Variants in AMOTL1 observed in about 807,000 individuals in gnomAD.
AMOTL1 encodes the protein angiomotin like 1.
Under a neutral mutation model 102.9 loss-of-function variants are expected in AMOTL1, and 45 were observed. The observed-to-expected ratio is 0.44, with a 90% CI of 0.34 to 0.56. AMOTL1 has a LOEUF of 0.56. Among genes scored for constraint, AMOTL1 ranks in the 20% least tolerant of loss-of-function variants. AMOTL1 has a pLI of 0.01. For synonymous variants in AMOTL1, 481 were observed against 484.7 expected (o/e 0.99, Z 0.10); for missense variants, 1,114 against 1,225.6 (o/e 0.91, Z 1.36).
intron 3 of AMOTL1, among the ~76,000 whole-genome samples, chr11:94,757,529 G>A (rs149526880): frequency 8.1e-4 from 123 of 152,168 alleles, no homozygotes; most frequent in African/African-American, 2.8e-3. Flanking sequence ...GAGAGTGCCT[G>A]TAACATGCTG....
In AMOTL1 at chr11:94,799,210, G is replaced by A. The variant is rs777760801; in HGVS notation, c.200-180G>A. On this transcript the variant is annotated intron_variant, in intron 2 of 12. Coordinates refer to ENST00000433060, the MANE Select transcript of AMOTL1 (RefSeq NM_130847.3). This position sits in a 1 kb window ranked among gnomAD's most constrained non-coding sequence, Gnocchi z 4.5. ...AGAGGGAGTGCAGAATAGTAGACTC[G>A]CTTTGAATTGGAGAAGAAAATTCCA... Among the ~76,000 whole-genome samples, 5 of 152,024 alleles carry A rather than the reference G, an allele frequency of 3.3e-5. No homozygotes were observed. The highest frequency in any genetic ancestry group is 7.4e-5 in the Non-Finnish European group (5 of 67,998).
chr11:94,864,600 C>T (rs951358865), intron 9 of AMOTL1, 135 bp from the exon 10 acceptor site: 2 of 1,244,302 alleles, frequency 1.6e-6, no homozygotes, highest in Non-Finnish European at 2.2e-6. Flanking sequence ...GAGGGAAAGG[C>T]TTCATGAGCC....
At chr11:94,814,321 G>GGGAA (rs1422231826) in intron 3 of AMOTL1, among the ~76,000 whole-genome samples, 3 of 152,180 alleles carry the variant, frequency 2.0e-5, no homozygotes, top group Admixed American at 2.0e-4. Flanking sequence ...TTTTCAAAAT[G>GGGAA]GGAAATTTTC....
At chr11:94,855,221 C>A (rs1391503993) in intron 8 of AMOTL1, among the ~76,000 whole-genome samples, 1 of 152,240 alleles carries the variant, frequency 6.6e-6, no homozygotes, top group African/African-American at 2.4e-5. Flanking sequence ...CCAGCTCAGC[C>A]CTCTCACAGG....
intron 2 of AMOTL1, among the ~76,000 whole-genome samples, chr11:94,729,498 G>T (rs901749647): frequency 1.4e-4 from 21 of 152,050 alleles, no homozygotes; most frequent in African/African-American, 4.8e-4. Flanking sequence ...AACAGAGTAG[G>T]CCAGCTCTTT....
chr11:94,785,101 A>G (rs1951164996), intron 1 of AMOTL1, among the ~76,000 whole-genome samples: 1 of 152,206 alleles, frequency 6.6e-6, no homozygotes, highest in Non-Finnish European at 1.5e-5. Context: ...AAGCTTTTAT[A>G]AAAAATAACA....
rs189342160 is a variant in AMOTL1 at position 94,815,355 on chromosome 11, A to C, written c.1122-6175A>C. Among the ~76,000 whole-genome samples, 427 of 152,244 alleles carry C rather than the reference A, an allele frequency of 2.8e-3. 3 individuals are homozygous for C. Among genetic ancestry groups the C allele is most frequent in the African/African-American group, 8.4e-3 (348 of 41,558 alleles). On this transcript the variant is annotated intron_variant, in intron 3 of 12. Coordinates refer to ENST00000433060, the MANE Select transcript of AMOTL1 (RefSeq NM_130847.3). ...TGAGTTATTGGCAAAAACAAACAAA[A>C]AAAAAATTTGTCTAATGTTAAGGTT...
rs1466245887 is a variant in AMOTL1 at position 94,875,537 on chromosome 11, G to A, written c.*4742G>A. ...TGCTCATTGACTATAGTGCTGCCAA[G>A]TAAAAATATCTTGGGAACTCTTCTA... On this transcript the variant is annotated 3_prime_UTR_variant, in exon 13 of 13. Coordinates refer to ENST00000433060, the MANE Select transcript of AMOTL1 (RefSeq NM_130847.3). The A allele has an allele frequency of 6.6e-6, 1 of 152,196 alleles. No individual in the cohort carries two copies. The highest frequency in any genetic ancestry group is 6.5e-5 in the Admixed American group (1 of 15,286). 9.4% of individuals were successfully genotyped at this position (152,196 alleles called of 1,614,324 possible).
chr11:94,720,388 C>T (rs993224292), intron 1 of AMOTL1, among the ~76,000 whole-genome samples: 4 of 152,040 alleles, frequency 2.6e-5, no homozygotes, highest in Non-Finnish European at 4.4e-5. Flanking sequence ...TGGCTGGTAC[C>T]GGAAGGTTCT....
At chr11:94,844,460 G>C (rs1005853245) in intron 6 of AMOTL1, among the ~76,000 whole-genome samples, 3 of 152,194 alleles carry the variant, frequency 2.0e-5, no homozygotes, top group Non-Finnish European at 4.4e-5. Flanking sequence ...TGCTGTAACA[G>C]AATACCACAG....
At chr11:94,742,223 A>G (rs563728007) in intron 3 of AMOTL1, among the ~76,000 whole-genome samples, 22 of 152,374 alleles carry the variant, frequency 1.4e-4, no homozygotes, top group Admixed American at 5.2e-4. Context: ...GTGGTGAATC[A>G]TTTTATGAAA....
chr11:94,734,201 C>A (rs1950400989), intron 2 of AMOTL1, among the ~76,000 whole-genome samples: 1 of 152,168 alleles, frequency 6.6e-6, no homozygotes, highest in Non-Finnish European at 1.5e-5. Context: ...CAGATCCATA[C>A]AACATCTGTA....
At chr11:94,851,969 A>G (rs899009330) in intron 7 of AMOTL1, among the ~76,000 whole-genome samples, 2 of 152,252 alleles carry the variant, frequency 1.3e-5, no homozygotes, top group Non-Finnish European at 2.9e-5. Context: ...GCTGAGCGCT[A>G]TTCCAGGCAT....
chr11:94,743,651 C>CTTTT (rs760828820), intron 3 of AMOTL1, among the ~76,000 whole-genome samples: 1,184 of 98,182 alleles, frequency 0.012, 170 homozygotes, highest in African/African-American at 0.053. Context: ...CACAATACTT[C>CTTTT]TTTTTTTTTT....
intron 2 of AMOTL1, among the ~76,000 whole-genome samples, chr11:94,729,886 T>C (rs1253153430): frequency 6.6e-6 from 1 of 152,170 alleles, no homozygotes; most frequent in African/African-American, 2.4e-5. Flanking sequence ...CAACAGACTA[T>C]ACTCTCTGAT....
intron 2 of AMOTL1, among the ~76,000 whole-genome samples, chr11:94,738,017 T>A (rs958946634): frequency 1.3e-5 from 2 of 152,204 alleles, no homozygotes; most frequent in African/African-American, 2.4e-5. Context: ...TATGTCTGTA[T>A]ACTGACAGGA....
At position 94,874,195 on chromosome 11, in the gene AMOTL1, A is replaced by G. The variant is rs919283105; in HGVS notation, c.*3400A>G. The stretch of plus-strand genomic sequence containing the variant: ...TTTCACTAATTAGATGCCTCTGTAC[A>G]TGAGAACTATTACTGTCTGCAGGTC... On this transcript the variant is annotated 3_prime_UTR_variant, in exon 13 of 13. Transcript: ENST00000433060. The G allele has an allele frequency of 5.3e-5, 8 of 152,248 alleles. No homozygotes were observed. Among genetic ancestry groups the G allele is most frequent in the African/African-American group, 1.9e-4 (8 of 41,462 alleles). The allele number at this position is 152,248 out of a possible 1,614,324, so 9.4% of individuals were successfully genotyped here.
chr11:94,735,435 G>C (rs969701833), intron 2 of AMOTL1, among the ~76,000 whole-genome samples: 5 of 152,218 alleles, frequency 3.3e-5, no homozygotes, highest in Non-Finnish European at 5.9e-5. Context: ...GGAGCTGATT[G>C]AGTTTTCCAG....
intron 1 of AMOTL1, among the ~76,000 whole-genome samples, chr11:94,779,280 CT>C (rs556910000): frequency 2.7e-4 from 41 of 152,236 alleles, no homozygotes; most frequent in African/African-American, 8.9e-4. Flanking sequence ...GGTGGTTTTT[CT>C]GTAAGATTGA....
Sources: gnomAD v4.1 joint callset for allele counts (sites outside exome capture counted in the v4.1 genomes callset) on GRCh38, gnomAD v4.1.1 for gene constraint, Gnocchi (gnomAD v3.1) non-coding constraint, MANE v1.5 for transcripts, NCBI Gene and HGNC (gene_info 2026-07-23, HGNC 2026-07-21) for gene names.